The following NR6A1 variants were observed in gnomAD, a reference collection of about 807,000 sequenced individuals.
NR6A1 encodes nuclear receptor subfamily 6 group A member 1.
NR6A1 carries 7 observed loss-of-function variants against 59.1 expected under a neutral mutation model. That is an observed-to-expected ratio of 0.12 (90% CI 0.07 to 0.22). NR6A1 has a LOEUF of 0.22. Among genes scored for constraint, NR6A1 ranks in the 10% least tolerant of loss-of-function variants. NR6A1 has a pLI of 1.00. For synonymous variants in NR6A1, 243 were observed against 236.1 expected (o/e 1.03, Z -0.27); for missense variants, 468 against 611.6 (o/e 0.77, Z 2.48).
rs137873875 is a variant in NR6A1, at chr9:124,631,871, G to A, written c.143-77301C>T. On this transcript the variant is annotated intron_variant, in intron 2 of 9. Coordinates refer to ENST00000487099, the MANE Select transcript of NR6A1 (RefSeq NM_033334.4). ...ATGTGTTGTTCCCCTCTATGTGGCC[G>A]TGTGTTCTCATCATTTAGCTCCTAC... 5.6e-3 allele frequency among the ~76,000 whole-genome samples: 846 copies of A among 152,226 alleles called. 7 individuals are homozygous for A. Among genetic ancestry groups the A allele is most frequent in the African/African-American group, 0.019 (801 of 41,532 alleles).
chr9:124,627,146 C>T (rs773762787), intron 2 of NR6A1, among the ~76,000 whole-genome samples: 3 of 152,174 alleles, frequency 2.0e-5, no homozygotes, highest in Non-Finnish European at 4.4e-5. Flanking sequence ...CAACACTTAA[C>T]ATCTGTAAGA....
chr9:124,745,671 T>TA (rs11334137), intron 1 of NR6A1, among the ~76,000 whole-genome samples: 1,368 of 121,396 alleles, frequency 0.011, 27 homozygotes, highest in African/African-American at 0.039. Flanking sequence ...AACTCTGTCT[T>TA]AAAAAAAAAA....
intron 7 of NR6A1, among the ~76,000 whole-genome samples, chr9:124,532,369 GA>G (rs1461518305): frequency 2.6e-5 from 4 of 152,148 alleles, no homozygotes; most frequent in African/African-American, 9.7e-5. Flanking sequence ...CTGACCCTGT[GA>G]ACAGACGTAC....
Position 124,657,089 on chromosome 9 carries a change from GA to G in NR6A1, c.142+76218del, listed in dbSNP as rs148957446. ...GTTACATATACCTTACCACAACTTAGAAAAAAAAAAGATTGTCTTGTGGCTT... is the reference window on the plus strand; with the variant it reads ...GTTACATATACCTTACCACAACTTAGAAAAAAAAAGATTGTCTTGTGGCTT... On this transcript the variant is annotated intron_variant, in intron 2 of 9. Transcript: ENST00000487099. Among the ~76,000 whole-genome samples, 621 of 148,704 alleles carry G rather than the reference GA, an allele frequency of 4.2e-3. 3 individuals are homozygous for G. The highest frequency in any genetic ancestry group is 0.014 in the African/African-American group (563 of 40,648).
chr9:124,736,935 CT>C (rs1840036482), intron 1 of NR6A1, among the ~76,000 whole-genome samples: 1 of 152,198 alleles, frequency 6.6e-6, no homozygotes, highest in South Asian at 2.1e-4. Flanking sequence ...CTGCTACTAA[CT>C]AATCTCTAGG....
intron 2 of NR6A1, among the ~76,000 whole-genome samples, chr9:124,590,001 G>A (rs1267163983): frequency 1.5e-5 from 2 of 136,972 alleles, no homozygotes; most frequent in East Asian, 2.3e-4. Context: ...AGAGATGGAG[G>A]TTGCAGTGAG....
At chr9:124,727,697 A>AT (rs1208164753) in intron 2 of NR6A1, among the ~76,000 whole-genome samples, 1 of 152,026 alleles carries the variant, frequency 6.6e-6, no homozygotes, top group East Asian at 1.9e-4. Context: ...TTATTTATTT[A>AT]TTTTTAATAC....
chr9:124,651,649 T>C (rs1362215781), intron 2 of NR6A1, among the ~76,000 whole-genome samples: 2 of 152,140 alleles, frequency 1.3e-5, no homozygotes, highest in Non-Finnish European at 2.9e-5. Context: ...GGGACAAAAA[T>C]ACAAAGTAAA....
chr9:124,601,834 G>A (rs1019110141), intron 2 of NR6A1, among the ~76,000 whole-genome samples: 1 of 151,760 alleles, frequency 6.6e-6, no homozygotes, highest in African/African-American at 2.4e-5. Flanking sequence ...GCACACGCCT[G>A]AAGCCCAAGC....
At chr9:124,661,568 A>G (rs1329117982) in intron 2 of NR6A1, among the ~76,000 whole-genome samples, 3 of 152,232 alleles carry the variant, frequency 2.0e-5, no homozygotes, top group Non-Finnish European at 4.4e-5. Context: ...TGGAAACATC[A>G]ATTATTCTAA....
At chr9:124,565,900 C>T (rs757715818) in intron 2 of NR6A1, among the ~76,000 whole-genome samples, 5 of 152,130 alleles carry the variant, frequency 3.3e-5, no homozygotes, top group East Asian at 1.9e-4. Flanking sequence ...CTATGGAAAA[C>T]GGCATGTCAC....
chr9:124,592,321 A>G (rs1202980268), intron 2 of NR6A1, among the ~76,000 whole-genome samples: 2 of 152,234 alleles, frequency 1.3e-5, no homozygotes, highest in African/African-American at 4.8e-5. Flanking sequence ...CCATTTTAAC[A>G]CAACGGAAAT....
At chr9:124,685,900 A>G (rs986660378) in intron 2 of NR6A1, among the ~76,000 whole-genome samples, 1 of 152,242 alleles carries the variant, frequency 6.6e-6, no homozygotes, top group African/African-American at 2.4e-5. Context: ...CATTTATGAA[A>G]GTATGAGGTA....
chr9:124,576,613 T>C (rs1039796669), intron 2 of NR6A1, among the ~76,000 whole-genome samples: 3 of 152,212 alleles, frequency 2.0e-5, no homozygotes, highest in African/African-American at 4.8e-5. Context: ...GTATCCCAGT[T>C]AGTCATTATT....
At chr9:124,636,424 C>A (rs1836614233) in intron 2 of NR6A1, among the ~76,000 whole-genome samples, 1 of 152,038 alleles carries the variant, frequency 6.6e-6, no homozygotes, top group Non-Finnish European at 1.5e-5. Context: ...TGATGAAGTC[C>A]AGCTTATTAA....
At chr9:124,609,231 T>C (rs1476681782) in intron 2 of NR6A1, among the ~76,000 whole-genome samples, 1 of 152,234 alleles carries the variant, frequency 6.6e-6, no homozygotes, top group Non-Finnish European at 1.5e-5. Context: ...CTAGGGTTTT[T>C]ATGGTTTTGG....
intron 2 of NR6A1, among the ~76,000 whole-genome samples, chr9:124,671,323 C>T (rs1837788734): frequency 6.6e-6 from 1 of 152,124 alleles, no homozygotes; most frequent in Non-Finnish European, 1.5e-5. Flanking sequence ...ACATTTTGCT[C>T]TATTCAACCT....
At chr9:124,675,453 T>C (rs1837925242) in intron 2 of NR6A1, among the ~76,000 whole-genome samples, 1 of 152,226 alleles carries the variant, frequency 6.6e-6, no homozygotes, top group Non-Finnish European at 1.5e-5. Context: ...CTCCTCCTTG[T>C]ACAAGGTACT....
intron 1 of NR6A1, among the ~76,000 whole-genome samples, chr9:124,764,613 T>C (rs1162848279): frequency 2.0e-5 from 3 of 152,244 alleles, no homozygotes; most frequent in Non-Finnish European, 4.4e-5. Flanking sequence ...TGAGTATATT[T>C]TTAATGAGTT....
Sources: allele counts gnomAD v4.1 joint callset (sites outside exome capture counted in the v4.1 genomes callset), GRCh38; gene constraint gnomAD v4.1.1; transcripts MANE v1.5; gene names NCBI Gene and HGNC (gene_info 2026-07-23, HGNC 2026-07-21).